Variants in GRM8 observed in about 807,000 individuals in gnomAD.
GRM8 encodes metabotropic glutamate receptor 8.
Under a neutral mutation model 87.2 loss-of-function variants are expected in GRM8, and 47 were observed. That is an observed-to-expected ratio of 0.54 (90% CI 0.43 to 0.69). The LOEUF (loss-of-function observed/expected upper bound fraction) is 0.69. GRM8 is among the 30% of genes least tolerant of loss of function. GRM8 has a pLI of 0.00. For synonymous variants in GRM8, 396 were observed against 404.5 expected (o/e 0.98, Z 0.25); for missense variants, 1,019 against 1,139.2 (o/e 0.89, Z 1.52).
At chr7:126,497,226 C>T (rs1327507622) in intron 9 of GRM8, among the ~76,000 whole-genome samples, 1 of 151,832 alleles carries the variant, frequency 6.6e-6, no homozygotes, top group Non-Finnish European at 1.5e-5. Flanking sequence ...AGAAATACTA[C>T]TAATTATTAC....
intron 3 of GRM8, among the ~76,000 whole-genome samples, chr7:126,927,619 CTCA>C (rs1805280454): frequency 6.6e-6 from 1 of 152,122 alleles, no homozygotes; most frequent in Admixed American, 6.5e-5. Flanking sequence ...TGAAAAAAAG[CTCA>C]TCATCAATGG....
intron 3 of GRM8, among the ~76,000 whole-genome samples, chr7:127,054,236 C>T (rs1376282316): frequency 1.3e-5 from 2 of 152,030 alleles, no homozygotes; most frequent in African/African-American, 2.4e-5. Flanking sequence ...TTATGATGTG[C>T]CTCGCTGCTG....
At chr7:126,993,175 C>G (rs1009599719) in intron 3 of GRM8, among the ~76,000 whole-genome samples, 5 of 151,946 alleles carry the variant, frequency 3.3e-5, no homozygotes, top group Non-Finnish European at 5.9e-5. Context: ...CTATATGACC[C>G]AAGAATTCCA....
At chr7:126,729,567 A>G (rs1813376141) in intron 7 of GRM8, among the ~76,000 whole-genome samples, 1 of 152,170 alleles carries the variant, frequency 6.6e-6, no homozygotes, top group Non-Finnish European at 1.5e-5. Context: ...GCACTGGGGA[A>G]GTAGCAAGCA....
chr7:126,658,290 A>C (rs1422527100), intron 7 of GRM8, among the ~76,000 whole-genome samples: 1 of 152,218 alleles, frequency 6.6e-6, no homozygotes, highest in South Asian at 2.1e-4. Context: ...GGTGAACTCA[A>C]ATTCCAAAAA....
intron 6 of GRM8, among the ~76,000 whole-genome samples, chr7:126,842,046 G>A (rs182326274): frequency 6.6e-6 from 1 of 151,674 alleles, no homozygotes; most frequent in East Asian, 1.9e-4. Flanking sequence ...TCAATAAATT[G>A]TTAAACCATT....
At chr7:127,161,069 T>C (rs975813430) in intron 2 of GRM8, among the ~76,000 whole-genome samples, 62 of 152,204 alleles carry the variant, frequency 4.1e-4, no homozygotes, top group African/African-American at 1.1e-3. Flanking sequence ...TGTTCCGAGT[T>C]GCTTAAACAT....
intron 2 of GRM8, among the ~76,000 whole-genome samples, chr7:127,237,386 C>G (rs1421896707): frequency 6.6e-6 from 1 of 152,174 alleles, no homozygotes; most frequent in Non-Finnish European, 1.5e-5. Flanking sequence ...GCAGATTTAC[C>G]TTTTCAAAGT....
At chr7:126,758,071 G>A (rs926114246) in intron 7 of GRM8, among the ~76,000 whole-genome samples, 4 of 152,112 alleles carry the variant, frequency 2.6e-5, no homozygotes, top group African/African-American at 9.7e-5. Context: ...CAATATTACT[G>A]ATTACAGGAG....
chr7:126,618,639 G>A (rs1204927554), intron 7 of GRM8, among the ~76,000 whole-genome samples: 4 of 152,022 alleles, frequency 2.6e-5, no homozygotes, highest in Non-Finnish European at 1.5e-5. Flanking sequence ...CTGACAAAGG[G>A]CTAATATCCA....
At chr7:127,096,416 C>T (rs1425411041) in intron 3 of GRM8, among the ~76,000 whole-genome samples, 1 of 152,054 alleles carries the variant, frequency 6.6e-6, no homozygotes, top group Admixed American at 6.5e-5. Context: ...AAAAACCAGC[C>T]AGGCATGGGA....
intron 2 of GRM8, among the ~76,000 whole-genome samples, chr7:127,113,720 C>T (rs1826525641): frequency 6.6e-6 from 1 of 152,126 alleles, no homozygotes; most frequent in Non-Finnish European, 1.5e-5. Flanking sequence ...TAGCTTCCTA[C>T]CACCTGGCCT....
chr7:126,640,225 T>C (rs139091648), intron 7 of GRM8, among the ~76,000 whole-genome samples: 1,813 of 152,282 alleles, frequency 0.012, 31 homozygotes, highest in African/African-American at 0.041. Context: ...TAGCCTTTAG[T>C]GCAATTAATG....
intron 9 of GRM8, among the ~76,000 whole-genome samples, chr7:126,446,959 G>T (rs182728146): frequency 2.3e-3 from 343 of 151,928 alleles, no homozygotes; most frequent in Admixed American, 5.6e-3. Flanking sequence ...ACTTCCAGAA[G>T]GTTCTCAGTG....
In GRM8 at chr7:126,999,997, G is replaced by A. The variant is rs560241194; in HGVS notation, c.728-95314C>T. Among the ~76,000 whole-genome samples the A allele has an allele frequency of 8.6e-5, 13 of 151,940 alleles. No individual in the cohort carries two copies. The East Asian group carries it at 2.1e-3, about 25-fold the overall frequency. The stretch of plus-strand genomic sequence containing the variant: ...GCCAATATCTGGAAGCAACCTAAGT[G>A]TCCATCAACAGATGAATGAATAAAG... On this transcript the variant is annotated intron_variant, in intron 3 of 10. Transcript: ENST00000339582.
intron 9 of GRM8, among the ~76,000 whole-genome samples, chr7:126,449,957 A>G (rs1488878290): frequency 4.0e-5 from 6 of 151,794 alleles, no homozygotes; most frequent in Admixed American, 3.9e-4. Flanking sequence ...CCCCATGGAC[A>G]TTTTGAACCT....
intron 7 of GRM8, among the ~76,000 whole-genome samples, chr7:126,766,119 T>C (rs1441094332): frequency 6.6e-6 from 1 of 152,162 alleles, no homozygotes; most frequent in Non-Finnish European, 1.5e-5. Flanking sequence ...AATTAAATGA[T>C]ACACTGGAAG....
chr7:126,603,728 C>CAT (rs954070304), intron 8 of GRM8, among the ~76,000 whole-genome samples: 18 of 151,898 alleles, frequency 1.2e-4, no homozygotes, highest in South Asian at 6.2e-4. Context: ...TGTGTGTGTA[C>CAT]ATATATATAT....
At chr7:126,469,922 G>C (rs1007821505) in intron 9 of GRM8, among the ~76,000 whole-genome samples, 3 of 152,152 alleles carry the variant, frequency 2.0e-5, no homozygotes, top group African/African-American at 7.2e-5. Context: ...AGTCTCGGAA[G>C]AAGACAGGAC....
Sources: allele counts gnomAD v4.1 joint callset (sites outside exome capture counted in the v4.1 genomes callset), GRCh38; gene constraint gnomAD v4.1.1; transcripts MANE v1.5; gene names NCBI Gene and HGNC (gene_info 2026-07-23, HGNC 2026-07-21).